Variants in ANKRD30B observed in about 807,000 individuals in gnomAD.
The protein encoded by ANKRD30B is ankyrin repeat domain-containing protein 30B.
In ANKRD30B, 144 loss-of-function variants were observed where a neutral mutation model predicts 202.2. The observed-to-expected ratio is 0.71, with a 90% CI of 0.62 to 0.82. The LOEUF is 0.82. ANKRD30B is among the 40% of genes least tolerant of loss of function. The pLI, the probability that ANKRD30B is intolerant of heterozygous loss-of-function variation, is 0.00. For synonymous variants in ANKRD30B, 508 were observed against 561.3 expected, an observed-to-expected ratio of 0.91 and a Z score of 1.34; for missense variants, 1,487 against 1,669.1, an observed-to-expected ratio of 0.89 and a Z score of 1.90.
chr18:14,914,654 G>A, the ANKRD30B span, among the ~76,000 whole-genome samples: 4 of 152,116 alleles, frequency 2.6e-5, no homozygotes, highest in African/African-American at 2.4e-5. Flanking sequence ...TGGGGTGAGG[G>A]GAAATGAGGA....
At chr18:14,756,706 C>G (rs1914425640) in intron 4 of ANKRD30B, among the ~76,000 whole-genome samples, 1 of 152,148 alleles carries the variant, frequency 6.6e-6, no homozygotes, top group Admixed American at 6.6e-5. Flanking sequence ...CCAGCCTAGC[C>G]AATATGGTAA....
chr18:14,782,658 T>A, intron 12 of ANKRD30B, 44 bp downstream of exon 12: 1 of 1,316,170 alleles, frequency 7.6e-7, no homozygotes, highest in South Asian at 1.4e-5. Context: ...ACCATATGTT[T>A]GTCTAAACGC....
chr18:14,901,780 A>T, the ANKRD30B span, among the ~76,000 whole-genome samples: 1 of 152,208 alleles, frequency 6.6e-6, no homozygotes, highest in Non-Finnish European at 1.5e-5. Flanking sequence ...TATAGCTTCC[A>T]TTACCAAAGC....
At chr18:14,809,873 A>G in intron 26 of ANKRD30B, 113 bp from the exon 27 acceptor site, 1 of 1,058,400 alleles carries the variant, frequency 9.4e-7, no homozygotes, top group Non-Finnish European at 1.4e-6. Context: ...ACCTAGTGTA[A>G]TCCCTTTTCA....
chr18:14,903,085 A>G, the ANKRD30B span, among the ~76,000 whole-genome samples: 1 of 152,116 alleles, frequency 6.6e-6, no homozygotes, highest in African/African-American at 2.4e-5. Context: ...GCTCTTGGGG[A>G]GCACCAGCCC....
At chr18:14,825,014 C>G (rs1364228036) in intron 32 of ANKRD30B, 1 of 152,150 alleles carries the variant, frequency 6.6e-6, no homozygotes, top group South Asian at 2.1e-4. Flanking sequence ...TACCAAGTCT[C>G]CACTAGCTTT....
chr18:14,930,295 A>G, the ANKRD30B span, among the ~76,000 whole-genome samples: 1 of 151,524 alleles, frequency 6.6e-6, no homozygotes, highest in Admixed American at 6.6e-5. Context: ...TGAGTGAAAT[A>G]TACACTAAAT....
At chr18:14,829,084 C>T (rs186845485) in intron 33 of ANKRD30B, among the ~76,000 whole-genome samples, 1 of 152,028 alleles carries the variant, frequency 6.6e-6, no homozygotes, top group East Asian at 1.9e-4. Context: ...TATTTATAAT[C>T]TTTTCCTGAT....
chr18:14,938,124 G>A, the ANKRD30B span, among the ~76,000 whole-genome samples: 1 of 152,110 alleles, frequency 6.6e-6, no homozygotes, highest in Non-Finnish European at 1.5e-5. Context: ...CCCAACTTAG[G>A]AGGAAATGCA....
chr18:14,842,788 A>G, intron 37 of ANKRD30B, 109 bp from the exon 38 acceptor site: 1 of 1,061,540 alleles, frequency 9.4e-7, no homozygotes, highest in Non-Finnish European at 1.4e-6. Flanking sequence ...ACCTAAAGGA[A>G]TCATTCTCAA....
chr18:14,819,105 A>C (rs1970272456), intron 30 of ANKRD30B, among the ~76,000 whole-genome samples: 1 of 151,770 alleles, frequency 6.6e-6, no homozygotes, highest in South Asian at 2.1e-4. Flanking sequence ...CATTTCTCTG[A>C]TGGCCAGTGA....
At chr18:14,896,791 T>C in the ANKRD30B span, among the ~76,000 whole-genome samples, 4 of 136,826 alleles carry the variant, frequency 2.9e-5, no homozygotes, top group Non-Finnish European at 4.7e-5. Flanking sequence ...ACAGTATCTC[T>C]CAAGTGTTTG....
At chr18:14,794,653 A>T (rs1430278390) in intron 16 of ANKRD30B, among the ~76,000 whole-genome samples, 1 of 152,186 alleles carries the variant, frequency 6.6e-6, no homozygotes, top group Non-Finnish European at 1.5e-5. Flanking sequence ...GCGGGTTTTT[A>T]TTTAAAGTGT....
In ANKRD30B at chr18:14,796,233, A is replaced by T; in HGVS notation, c.1838A>T (p.Lys613Ile). Reference protein sequence around the residue: ...LSGKLEESPVKDGLLKPTCGR... With the variant: ...LSGKLEESPVIDGLLKPTCGR... ...CCTTTACGTTTAGAGTCTCCTGTTA[A>T]AGATGGTCTTCTGAAGGTAATAACT... is the stretch of plus-strand genomic sequence containing the variant. Residue 613 changes from lysine (K) to isoleucine (I), a missense_variant, in exon 17 of 44, where the codon AAA (lysine) becomes ATA (isoleucine). Coordinates refer to ENST00000690538, the MANE Select transcript of ANKRD30B (RefSeq NM_001367607.2). 6.2e-7 allele frequency: 1 copy of T among 1,601,764 alleles called. No individual in the cohort carries two copies.
rs1970156674 is a variant in ANKRD30B at position 14,817,130 on chromosome 18, TAG to T, written c.2641+2421_2641+2422del. On this transcript the variant is annotated intron_variant, in intron 30 of 43. Coordinates refer to ENST00000690538, the MANE Select transcript of ANKRD30B (RefSeq NM_001367607.2). ...ATTTTTACTTTGCACTACGTTTAAT[TAG>T]ACTCTCTTCATGATGACTCAAAAGC... 3 of 152,342 alleles carry T rather than the reference TAG, an allele frequency of 2.0e-5. No individual in the cohort carries two copies. In the South Asian group the frequency reaches 6.2e-4, roughly 32 times the overall value. The allele number at this position is 152,342 out of a possible 1,614,324, so 9.4% of individuals were successfully genotyped here. A position where few individuals can be genotyped will look rare whatever the true frequency, so the allele number is the denominator to read the frequency against.
the ANKRD30B span, among the ~76,000 whole-genome samples, chr18:14,875,214 G>A: frequency 6.6e-6 from 1 of 152,174 alleles, no homozygotes; most frequent in African/African-American, 2.4e-5. Context: ...AGAGCTAAGC[G>A]ATTTTGTGTC....
chr18:14,830,655 C>T (rs1970876302), intron 33 of ANKRD30B, among the ~76,000 whole-genome samples: 1 of 152,096 alleles, frequency 6.6e-6, no homozygotes, highest in African/African-American at 2.4e-5. Flanking sequence ...GGTAACTGTA[C>T]CTTTCTTCCT....
At chr18:14,852,546 A>C (rs1971937419) in intron 42 of ANKRD30B, 126 bp downstream of exon 42, 1 of 1,223,112 alleles carries the variant, frequency 8.2e-7, no homozygotes, top group Non-Finnish European at 1.1e-6. Context: ...ATATCAGCTT[A>C]GAAACATGCC....
At chr18:14,870,954 C>T in the ANKRD30B span, among the ~76,000 whole-genome samples, 1 of 151,000 alleles carries the variant, frequency 6.6e-6, no homozygotes, top group African/African-American at 2.4e-5. Flanking sequence ...CCAGAAGAGC[C>T]AAACAGGCAC....
Sources: allele counts gnomAD v4.1 joint callset (sites outside exome capture counted in the v4.1 genomes callset), GRCh38; gene constraint gnomAD v4.1.1; transcripts MANE v1.5; gene names NCBI Gene and HGNC (gene_info 2026-07-23, HGNC 2026-07-21).